Variants in CBFA2T2 observed in about 807,000 individuals in gnomAD.
CBFA2T2 encodes protein CBFA2T2.
CBFA2T2 carries 11 observed loss-of-function variants against 62.2 expected under a neutral mutation model. The ratio of observed to expected loss-of-function variants is 0.18; its 90% CI spans 0.11 to 0.29. The LOEUF is 0.29. Among genes scored for constraint, CBFA2T2 ranks in the 10% least tolerant of loss-of-function variants. The pLI, the probability that CBFA2T2 is intolerant of heterozygous loss-of-function variation, is 1.00. For synonymous variants in CBFA2T2, 295 were observed against 287.5 expected (o/e 1.03, Z -0.27); for missense variants, 592 against 774.1 (o/e 0.76, Z 2.79).
intron 1 of CBFA2T2, among the ~76,000 whole-genome samples, chr20:33,542,468 A>G (rs1568809341): frequency 6.6e-6 from 1 of 152,020 alleles, no homozygotes; most frequent in African/African-American, 2.4e-5. Context: ...TTTTTCATTA[A>G]GCCTCTTCCA....
intron 1 of CBFA2T2, among the ~76,000 whole-genome samples, chr20:33,561,607 C>T (rs989160720): frequency 6.6e-6 from 1 of 152,030 alleles, no homozygotes; most frequent in Non-Finnish European, 1.5e-5. Context: ...TAAACTCTGA[C>T]CTTATGGGTT....
At chr20:33,507,031 C>A (rs909096615) in intron 1 of CBFA2T2, among the ~76,000 whole-genome samples, 1 of 152,128 alleles carries the variant, frequency 6.6e-6, no homozygotes, top group African/African-American at 2.4e-5. Flanking sequence ...AGTTCAGTTT[C>A]TTGGTGTTAC....
intron 4 of CBFA2T2, among the ~76,000 whole-genome samples, chr20:33,620,481 G>A: frequency 6.6e-6 from 1 of 152,040 alleles, no homozygotes; most frequent in Admixed American, 6.6e-5. Flanking sequence ...ACCCCAGCCT[G>A]GGTGACAGAG....
chr20:33,602,909 A>G (rs1310834612), intron 1 of CBFA2T2, among the ~76,000 whole-genome samples: 2 of 152,160 alleles, frequency 1.3e-5, no homozygotes, highest in Non-Finnish European at 2.9e-5. Context: ...AAACCATGAC[A>G]GTTCATCTGA....
At chr20:33,513,771 G>T (rs185900409) in intron 1 of CBFA2T2, among the ~76,000 whole-genome samples, 1 of 135,864 alleles carries the variant, frequency 7.4e-6, no homozygotes, top group Non-Finnish European at 1.5e-5. Flanking sequence ...CCAAGATTGC[G>T]CAACTGCGCT....
At chr20:33,641,994 C>G (rs1216400474) in intron 10 of CBFA2T2, among the ~76,000 whole-genome samples, 1 of 152,002 alleles carries the variant, frequency 6.6e-6, no homozygotes, top group Non-Finnish European at 1.5e-5. Flanking sequence ...GTGGCTATCA[C>G]AGAGGATGTG....
At chr20:33,586,956 T>G (rs1370635973) in intron 1 of CBFA2T2, among the ~76,000 whole-genome samples, 1 of 152,178 alleles carries the variant, frequency 6.6e-6, no homozygotes, top group Admixed American at 6.5e-5. Context: ...TTAATTTTAT[T>G]TTTGAGTTAG....
chr20:33,562,101 G>A (rs1294634860), intron 1 of CBFA2T2, among the ~76,000 whole-genome samples: 1 of 152,168 alleles, frequency 6.6e-6, no homozygotes, highest in African/African-American at 2.4e-5. Context: ...AATGGTAATT[G>A]CTAAACATTT....
chr20:33,631,653 C>T (rs1271249656), intron 8 of CBFA2T2, among the ~76,000 whole-genome samples: 1 of 152,206 alleles, frequency 6.6e-6, no homozygotes, highest in African/African-American at 2.4e-5. Context: ...AGGATTAGCT[C>T]TGGGGAGCAT....
At chr20:33,601,274 GTT>G (rs533714549) in intron 1 of CBFA2T2, among the ~76,000 whole-genome samples, 2 of 151,698 alleles carry the variant, frequency 1.3e-5, no homozygotes, top group Non-Finnish European at 2.9e-5. Flanking sequence ...TTTTTTGTTT[GTT>G]TGTTTTTAGA....
intron 1 of CBFA2T2, among the ~76,000 whole-genome samples, chr20:33,592,735 A>G (rs2014716067): frequency 6.6e-6 from 1 of 152,076 alleles, no homozygotes; most frequent in African/African-American, 2.4e-5. Context: ...GACACTAGGG[A>G]GACTAAGTAA....
At chr20:33,522,569 A>C (rs2011759649) in intron 1 of CBFA2T2, among the ~76,000 whole-genome samples, 1 of 151,964 alleles carries the variant, frequency 6.6e-6, no homozygotes, top group Non-Finnish European at 1.5e-5. Flanking sequence ...TTGTTTAAAA[A>C]AAAAAAATTA....
chr20:33,579,042 A>G (rs1006517021), intron 1 of CBFA2T2, among the ~76,000 whole-genome samples: 9 of 151,680 alleles, frequency 5.9e-5, no homozygotes, highest in African/African-American at 1.9e-4. Context: ...TTTAAAATAT[A>G]TAATAAACAT....
chr20:33,643,101 C>T (rs2016913282), intron 10 of CBFA2T2, among the ~76,000 whole-genome samples: 1 of 152,156 alleles, frequency 6.6e-6, no homozygotes, highest in African/African-American at 2.4e-5. Flanking sequence ...GGCAGGTATT[C>T]CTGGAGTTTC....
chr20:33,628,953 T>C (rs2016350194), intron 7 of CBFA2T2, among the ~76,000 whole-genome samples: 2 of 152,138 alleles, frequency 1.3e-5, no homozygotes, highest in African/African-American at 2.4e-5. Context: ...AATAAAGTCA[T>C]GTAGTATAAT....
intron 1 of CBFA2T2, among the ~76,000 whole-genome samples, chr20:33,520,544 G>T (rs974255640): frequency 6.6e-6 from 1 of 152,236 alleles, no homozygotes; most frequent in Non-Finnish European, 1.5e-5. Flanking sequence ...GCCAAGGCAG[G>T]TGGATCACTG....
intron 1 of CBFA2T2, among the ~76,000 whole-genome samples, chr20:33,491,040 C>A (rs1039767974): frequency 4.6e-5 from 7 of 152,212 alleles, no homozygotes; most frequent in Non-Finnish European, 7.3e-5. Context: ...GCTCCATGAT[C>A]TAATTGTTAT....
chr20:33,628,443 T>C lies in CBFA2T2; in HGVS notation c.1032+8T>C, dbSNP rs758782071. 2 of 1,585,346 alleles carry C rather than the reference T, an allele frequency of 1.3e-6. No individual in the cohort carries two copies. Among genetic ancestry groups the C allele is most frequent in the Admixed American group, 3.3e-5 (2 of 59,986 alleles). Reference sequence around the variant, plus strand: ...TGGAAACATCTTGACCATGTAAGAATCTTGTAGTGTGTAATGTCCCTAACT... The same window carrying C: ...TGGAAACATCTTGACCATGTAAGAACCTTGTAGTGTGTAATGTCCCTAACT... On this transcript the variant is annotated splice_region_variant and intron_variant, in intron 7 of 10. Transcript: ENST00000342704.
intron 10 of CBFA2T2, among the ~76,000 whole-genome samples, chr20:33,642,151 TGTGTGTGTGTGTGG>T (rs1431517619): frequency 1.4e-3 from 202 of 149,170 alleles, no homozygotes; most frequent in African/African-American, 4.8e-3. Context: ...TGTGTGTGTG[TGTGTGTGTGTGTGG>T]ATAACAGGGT....
Sources: gnomAD v4.1 joint callset for allele counts (sites outside exome capture counted in the v4.1 genomes callset) on GRCh38, gnomAD v4.1.1 for gene constraint, MANE v1.5 for transcripts, NCBI Gene and HGNC (gene_info 2026-07-23, HGNC 2026-07-21) for gene names.